CSMD3: variants seen among roughly 807,000 people sequenced by gnomAD.
CSMD3 encodes CUB and sushi domain-containing protein 3.
Under a neutral mutation model 435.2 loss-of-function variants are expected in CSMD3, and 177 were observed. The ratio of observed to expected loss-of-function variants is 0.41; its 90% CI spans 0.36 to 0.46. The LOEUF (loss-of-function observed/expected upper bound fraction) is 0.46. Ranked by LOEUF, CSMD3 falls within the 20% of genes least tolerant of loss-of-function variation. CSMD3 has a pLI of 0.34. For synonymous variants in CSMD3, 1,656 were observed against 1,520.5 expected, an observed-to-expected ratio of 1.09 and a Z score of -2.07; for missense variants, 4,265 against 4,504.6, an observed-to-expected ratio of 0.95 and a Z score of 1.52.
At chr8:112,452,421 G>A (rs1271842629) in intron 32 of CSMD3, among the ~76,000 whole-genome samples, 2 of 152,084 alleles carry the variant, frequency 1.3e-5, no homozygotes, top group Non-Finnish European at 2.9e-5. Context: ...CTGAAAATGT[G>A]TACATGTTGA....
chr8:113,343,210 A>G (rs946891503), intron 1 of CSMD3, among the ~76,000 whole-genome samples: 9 of 152,062 alleles, frequency 5.9e-5, no homozygotes, highest in Admixed American at 5.2e-4. Flanking sequence ...TAAGAGTTTT[A>G]TCCATTTAAA....
At chr8:113,136,841 T>A (rs1259018112) in intron 4 of CSMD3, among the ~76,000 whole-genome samples, 2 of 151,574 alleles carry the variant, frequency 1.3e-5, no homozygotes, top group Non-Finnish European at 3.0e-5. Flanking sequence ...TAGGTAATTT[T>A]ATAGAATATA....
chr8:113,285,679 A>G (rs2132499165), intron 2 of CSMD3, among the ~76,000 whole-genome samples: 1 of 152,320 alleles, frequency 6.6e-6, no homozygotes, highest in East Asian at 1.9e-4. Flanking sequence ...GAATCATGCA[A>G]TATAAATTTC....
intron 1 of CSMD3, among the ~76,000 whole-genome samples, chr8:113,350,021 C>T (rs757415009): frequency 6.6e-6 from 1 of 151,912 alleles, no homozygotes; most frequent in African/African-American, 2.4e-5. Flanking sequence ...CCGAGGCTAC[C>T]ATGTCAGAAG....
At chr8:112,571,561 A>G (rs1402829907) in intron 24 of CSMD3, among the ~76,000 whole-genome samples, 2 of 151,840 alleles carry the variant, frequency 1.3e-5, no homozygotes, top group Non-Finnish European at 2.9e-5. Context: ...TGAAACCCAC[A>G]AATATTTCAG....
At chr8:113,292,921 A>G (rs2093696038) in intron 2 of CSMD3, among the ~76,000 whole-genome samples, 2 of 151,818 alleles carry the variant, frequency 1.3e-5, no homozygotes, top group Admixed American at 1.3e-4. Flanking sequence ...AGATGAAAAA[A>G]AATTTTGCTA....
chr8:112,917,769 C>T (rs2082616919), intron 10 of CSMD3, among the ~76,000 whole-genome samples: 1 of 151,918 alleles, frequency 6.6e-6, no homozygotes, highest in South Asian at 2.1e-4. Flanking sequence ...TGCTTCTAGA[C>T]ATATTTCAAA....
At chr8:112,319,030 A>C in intron 46 of CSMD3, 80 bp from the exon 47 acceptor site, 1 of 833,860 alleles carries the variant, frequency 1.2e-6, no homozygotes, top group Non-Finnish European at 2.0e-6. Context: ...TTGTAGGAGA[A>C]TATTTTCTCC....
At chr8:112,998,443 T>C (rs1322902038) in intron 6 of CSMD3, among the ~76,000 whole-genome samples, 1 of 152,038 alleles carries the variant, frequency 6.6e-6, no homozygotes, top group Non-Finnish European at 1.5e-5. Flanking sequence ...TTCTCTTTCT[T>C]CAAGGTTAAA....
intron 6 of CSMD3, among the ~76,000 whole-genome samples, chr8:112,976,663 A>G (rs1233735935): frequency 6.6e-6 from 1 of 152,128 alleles, no homozygotes; most frequent in Admixed American, 6.6e-5. Flanking sequence ...AATGATGAAA[A>G]AAAAGGGGCA....
chr8:113,147,560 A>G (rs2131763433), intron 4 of CSMD3, among the ~76,000 whole-genome samples: 1 of 151,666 alleles, frequency 6.6e-6, no homozygotes, highest in South Asian at 2.1e-4. Flanking sequence ...TTCTCTTCCC[A>G]GTCCATATTT....
At chr8:113,333,206 A>G (rs187771677) in intron 1 of CSMD3, among the ~76,000 whole-genome samples, 3 of 151,750 alleles carry the variant, frequency 2.0e-5, no homozygotes, top group African/African-American at 7.2e-5. Flanking sequence ...GTGATTTCCA[A>G]ATATTATCTG....
intron 1 of CSMD3, among the ~76,000 whole-genome samples, chr8:113,359,126 T>C (rs1244261387): frequency 6.6e-6 from 1 of 152,144 alleles, no homozygotes; most frequent in African/African-American, 2.4e-5. Context: ...AAAAATAATT[T>C]GGGATTGCCT....
intron 3 of CSMD3, among the ~76,000 whole-genome samples, chr8:113,252,565 A>G (rs2132307036): frequency 6.6e-6 from 1 of 152,270 alleles, no homozygotes; most frequent in Admixed American, 6.5e-5. Flanking sequence ...CCATAGAGCA[A>G]AGTGAGAGAA....
chr8:113,399,857 T>C (rs1481766451), intron 1 of CSMD3, among the ~76,000 whole-genome samples: 2 of 151,978 alleles, frequency 1.3e-5, no homozygotes, highest in Non-Finnish European at 2.9e-5. Context: ...TAAGGATTCA[T>C]ATTTTAGATA....
At chr8:112,703,530 A>C (rs561798733) in intron 13 of CSMD3, among the ~76,000 whole-genome samples, 12 of 152,300 alleles carry the variant, frequency 7.9e-5, no homozygotes, top group African/African-American at 2.4e-4. Context: ...TCAGATTTCC[A>C]GCCAAATAAT....
intron 3 of CSMD3, among the ~76,000 whole-genome samples, chr8:113,246,715 C>T (rs2093279900): frequency 6.6e-6 from 1 of 152,086 alleles, no homozygotes; most frequent in Admixed American, 6.6e-5. Context: ...AGTGTCCCTT[C>T]CCCCAAGGGC....
At chr8:112,526,600 A>G (rs1824993287) in intron 27 of CSMD3, among the ~76,000 whole-genome samples, 1 of 152,006 alleles carries the variant, frequency 6.6e-6, no homozygotes, top group South Asian at 2.1e-4. Flanking sequence ...TTTTAATTTT[A>G]TAAGAGCTTT....
At chr8:112,258,965 G>T (rs1269396261) in intron 61 of CSMD3, among the ~76,000 whole-genome samples, 2 of 152,114 alleles carry the variant, frequency 1.3e-5, no homozygotes, top group African/African-American at 4.8e-5. Context: ...CGAGAACCCG[G>T]GAGGCGGAGC....
Sources: allele counts gnomAD v4.1 joint callset (sites outside exome capture counted in the v4.1 genomes callset), GRCh38; gene constraint gnomAD v4.1.1; transcripts MANE v1.5; gene names NCBI Gene and HGNC (gene_info 2026-07-23, HGNC 2026-07-21).